The following SLC19A1 variants were observed in gnomAD, a reference collection of about 807,000 sequenced individuals.
SLC19A1 encodes reduced folate transporter.
Under a neutral mutation model 35.3 loss-of-function variants are expected in SLC19A1, and 37 were observed. That is an observed-to-expected ratio of 1.05 (90% CI 0.81 to 1.38). SLC19A1 has a LOEUF of 1.38. Among genes scored for constraint, SLC19A1 ranks in the 40% most tolerant of loss-of-function variants. The pLI is 0.00. For synonymous variants in SLC19A1, 460 were observed against 398.5 expected (o/e 1.15, Z -1.84); for missense variants, 831 against 826.9 (o/e 1.00, Z -0.06).
At chr21:45,531,349 C>T in intron 3 of SLC19A1, 40 bp downstream of exon 3, 1 of 1,540,462 alleles carries the variant, frequency 6.5e-7, no homozygotes, top group Non-Finnish European at 8.7e-7. Flanking sequence ...GGACGGGAAG[C>T]CTCTGCGGGA....
chr21:45,541,147 A>T (rs949299203), intron 1 of SLC19A1, among the ~76,000 whole-genome samples: 1 of 152,106 alleles, frequency 6.6e-6, no homozygotes, highest in Non-Finnish European at 1.5e-5. Flanking sequence ...CCCGAGAAGC[A>T]CTCTTTCTCA....
In SLC19A1 at chr21:45,534,419, G is replaced by T. The variant is rs2078039044; in HGVS notation, c.190-2271C>A. On this transcript the variant is annotated intron_variant, in intron 2 of 5. Coordinates refer to ENST00000311124, the MANE Select transcript of SLC19A1 (RefSeq NM_194255.4). The surrounding 1 kb of genome is among the most constrained non-coding windows in gnomAD (Gnocchi z 4.2). ...GCATGACAGCCCCAGCCCCTGGCCG[G>T]GGCACAGGTTCTGCCCACAGCCCAG... The T allele has an allele frequency of 1.2e-6, 1 of 806,632 alleles. No individual in the cohort carries two copies. Among genetic ancestry groups the T allele is most frequent in the Non-Finnish European group, 2.0e-6 (1 of 509,236 alleles). The allele number at this position is 806,632 out of a possible 1,614,324, so 50.0% of individuals were successfully genotyped here.
intron 1 of SLC19A1, among the ~76,000 whole-genome samples, chr21:45,555,694 C>T (rs908170904): frequency 1.2e-4 from 18 of 152,136 alleles, no homozygotes; most frequent in Admixed American, 1.2e-3. Context: ...GGCCTAGGCC[C>T]TGGGACCGTA....
At position 45,532,152 on chromosome 21, in the gene SLC19A1, C is replaced by T. The variant is rs1196510335; in HGVS notation, c.190-4G>A. Reference sequence around the variant, plus strand: ...CCGGCGTGATCTCGTTCGTGACCTGCGGACAGGCGGGCGTGCGCCCCACCA... The same window carrying T: ...CCGGCGTGATCTCGTTCGTGACCTGTGGACAGGCGGGCGTGCGCCCCACCA... On this transcript the variant is annotated splice_region_variant and splice_polypyrimidine_tract_variant and intron_variant, in intron 2 of 5. Transcript: ENST00000311124. 7 of 1,585,412 alleles carry T rather than the reference C, an allele frequency of 4.4e-6. No individual in the cohort carries two copies. Among genetic ancestry groups the T allele is most frequent in the African/African-American group, 1.3e-5 (1 of 74,580 alleles).
At chr21:45,561,501 C>T (rs2078614598) in intron 1 of SLC19A1, among the ~76,000 whole-genome samples, 1 of 152,210 alleles carries the variant, frequency 6.6e-6, no homozygotes, top group Non-Finnish European at 1.5e-5. Context: ...TGGCTCATGC[C>T]TGTAATCCCA....
intron 2 of SLC19A1, among the ~76,000 whole-genome samples, chr21:45,535,438 G>A (rs1298929963): frequency 6.6e-6 from 1 of 152,222 alleles, no homozygotes; most frequent in African/African-American, 2.4e-5. Flanking sequence ...CAGGTCCGAG[G>A]AGGACAGCAA....
At chr21:45,536,823 G>A (rs536077663) in intron 2 of SLC19A1, among the ~76,000 whole-genome samples, 1 of 152,246 alleles carries the variant, frequency 6.6e-6, no homozygotes, top group African/African-American at 2.4e-5. Flanking sequence ...CCTGGGATGG[G>A]GTGTCGGGGT....
At position 45,504,372 on chromosome 21, in the gene SLC19A1, G is replaced by T. The variant is rs756858761; in HGVS notation, c.498-5760C>A. On this transcript the variant is annotated intron_variant, in intron 3 of 4. Coordinates refer to the SLC19A1 transcript ENST00000417954. Reference sequence around the variant, plus strand: ...GGGGATGGGAGGCCACCTGTGGCTTGTAGGGGTTCAGGGCTCCCGTGTAAC... The same window carrying T: ...GGGGATGGGAGGCCACCTGTGGCTTTTAGGGGTTCAGGGCTCCCGTGTAAC... 3.9e-5 allele frequency: 62 copies of T among 1,591,524 alleles called. 1 individual carries two copies. In the East Asian group the frequency reaches 1.1e-3, roughly 29 times the overall value.
intron 2 of SLC19A1, among the ~76,000 whole-genome samples, chr21:45,532,676 C>T (rs1437043999): frequency 2.0e-5 from 3 of 152,218 alleles, no homozygotes; most frequent in Non-Finnish European, 4.4e-5. Context: ...CTCAGGTGAT[C>T]TGCCCACCTT....
At chr21:45,505,058 T>G in intron 3 of SLC19A1, 1 of 1,554,740 alleles carries the variant, frequency 6.4e-7, no homozygotes, top group Non-Finnish European at 8.7e-7. Flanking sequence ...TCTTGGCAGC[T>G]GCAGCCCCAC....
chr21:45,510,946 C>CACACACAT (rs1555876664), downstream of SLC19A1, among the ~76,000 whole-genome samples: 1 of 57,382 alleles, frequency 1.7e-5, no homozygotes, highest in Non-Finnish European at 3.1e-5. Flanking sequence ...AAAACACACA[C>CACACACAT]CCACAACACC....
rs550257978 is a variant in SLC19A1 at position 45,550,031 on chromosome 21, G to A, written c.-49-12023C>T. ...GGCATCTTGGGAACTGTCTCTCCCC[G>A]GCCAGGCTGGCACATGCGGATGTTG... On this transcript the variant is annotated intron_variant, in intron 1 of 5. Coordinates refer to the SLC19A1 transcript ENST00000650808. Among the ~76,000 whole-genome samples the A allele has an allele frequency of 1.3e-3, 198 of 152,178 alleles. 2 individuals carry two copies. The highest frequency in any genetic ancestry group is 4.6e-3 in the African/African-American group (191 of 41,508).
At chr21:45,541,024 A>AGAGAAG (rs1569020471) in intron 1 of SLC19A1, among the ~76,000 whole-genome samples, 1 of 151,384 alleles carries the variant, frequency 6.6e-6, no homozygotes, top group Non-Finnish European at 1.5e-5. Flanking sequence ...GCTAGTTTAA[A>AGAGAAG]AAGAAGAAGA....
Position 45,516,150 on chromosome 21 carries a change from G to T in SLC19A1, c.1294-10C>A. 6.2e-7 allele frequency: 1 copy of T among 1,602,494 alleles called. No individual in the cohort carries two copies. Among genetic ancestry groups the T allele is most frequent in the Non-Finnish European group, 8.5e-7 (1 of 1,174,186 alleles). The stretch of plus-strand genomic sequence containing the variant: ...CGGAGTATAACTGGAACTGGAAAGA[G>T]AGGCCGGGTGAGGCGGGTGGGGAGG... On this transcript the variant is annotated splice_polypyrimidine_tract_variant and intron_variant, in intron 5 of 5. Transcript: ENST00000311124.
At chr21:45,551,065 C>T (rs1009855797) in intron 1 of SLC19A1, among the ~76,000 whole-genome samples, 7 of 151,586 alleles carry the variant, frequency 4.6e-5, no homozygotes, top group South Asian at 2.1e-4. Flanking sequence ...GTCCCAGCTA[C>T]GCCTGGGTTG....
chr21:45,536,746 G>A (rs2078125502), intron 2 of SLC19A1, among the ~76,000 whole-genome samples: 1 of 152,246 alleles, frequency 6.6e-6, no homozygotes, highest in African/African-American at 2.4e-5. Flanking sequence ...GGCATGCCGA[G>A]CGTCAGCCAT....
rs1847216811 is a variant in SLC19A1 at position 45,530,524 on chromosome 21, G to A, written c.1151+246C>T. The stretch of plus-strand genomic sequence containing the variant: ...AGGGTGGGGTTGGGAGCAGGGCAAG[G>A]CTGTGAGCCCAGCAGGCTTCAGAGA... On this transcript the variant is annotated intron_variant, in intron 4 of 5. Transcript: ENST00000311124. This position sits in a 1 kb window ranked among gnomAD's most constrained non-coding sequence, Gnocchi z 5.3. Among the ~76,000 whole-genome samples the A allele has an allele frequency of 6.6e-6, 1 of 152,170 alleles. No homozygotes were observed. The highest frequency in any genetic ancestry group is 2.4e-5 in the African/African-American group (1 of 41,428).
chr21:45,541,854 C>G (rs1005491830), intron 1 of SLC19A1: 1 of 152,194 alleles, frequency 6.6e-6, no homozygotes, highest in Non-Finnish European at 1.5e-5. Context: ...CCTCCAGACC[C>G]GGGGGTGGGA....
At chr21:45,537,719 T>TGGGGGGGCCCCCCCCCCCC in intron 2 of SLC19A1, 52 bp downstream of exon 2, 1 of 319,776 alleles carries the variant, frequency 3.1e-6, no homozygotes, top group Non-Finnish European at 5.6e-6. Context: ...CAGACGCTGC[T>TGGGGGGGCCCCCCCCCCCC]CCCCGCCCAC....
Sources: gnomAD v4.1 joint callset for allele counts (sites outside exome capture counted in the v4.1 genomes callset) on GRCh38, gnomAD v4.1.1 for gene constraint, Gnocchi (gnomAD v3.1) non-coding constraint, MANE v1.5 for transcripts, NCBI Gene and HGNC (gene_info 2026-07-23, HGNC 2026-07-21) for gene names.